Variants in SLC25A13 observed in about 807,000 individuals in gnomAD.
SLC25A13 encodes the protein solute carrier family 25 member 13.
In SLC25A13, 70 loss-of-function variants were observed where a neutral mutation model predicts 85.5. The ratio of observed to expected loss-of-function variants is 0.82; its 90% CI spans 0.68 to 1.00. The LOEUF (loss-of-function observed/expected upper bound fraction) is 1.00. Ranked by LOEUF, SLC25A13 falls within the 50% of genes least tolerant of loss-of-function variation. The probability of loss-of-function intolerance (pLI) is 0.00; values close to 1 mark genes in which losing one functional copy is unlikely to be tolerated. For missense variants in SLC25A13, 765 were observed against 819.8 expected (o/e 0.93, Z 0.82); for synonymous variants, 259 against 288.7 (o/e 0.90, Z 1.04).
intron 5 of SLC25A13, among the ~76,000 whole-genome samples, chr7:96,201,185 G>GA (rs1206580350): frequency 6.6e-6 from 1 of 152,130 alleles, no homozygotes; most frequent in Non-Finnish European, 1.5e-5. Context: ...TAGTGAAAAT[G>GA]AAAATACAAC....
intron 4 of SLC25A13, among the ~76,000 whole-genome samples, chr7:96,229,005 TC>T (rs1284427297): frequency 6.6e-6 from 1 of 152,110 alleles, no homozygotes; most frequent in Non-Finnish European, 1.5e-5. Context: ...CCCCGTGGGC[TC>T]CCATGCAGCC....
Position 96,121,985 on chromosome 7 carries a change from G to A in SLC25A13, c.1604C>T (p.Ala535Val), listed in dbSNP as rs1166815730. 1.9e-6 allele frequency: 3 copies of A among 1,614,022 alleles called. No homozygotes were observed. The Admixed American group carries it at 5.0e-5, about 27-fold the overall frequency. ...LAGAIAGMPA[A>V]SLVTPADVIK... ...AACATCAGCAGGGGTCACTAAAGAT[G>A]CTGCAGGCATACCTGCAGGAGAGAC... The change falls in exon 16 of 18, where the codon GCA becomes GTA. Residue 535 changes from alanine (A) to valine (V), a missense_variant. Ala to Val is a moderately conservative substitution (Grantham distance 64). Coordinates refer to ENST00000265631, the MANE Select transcript of SLC25A13 (RefSeq NM_014251.3).
rs1554348063 is a variant in SLC25A13 at position 96,184,400 on chromosome 7, C to G, written c.1054G>C (p.Val352Leu). Residue 352 changes from valine (V) to leucine (L), a missense_variant, in exon 11 of 18, where the codon GTA becomes CTA. Coordinates refer to ENST00000265631, the MANE Select transcript of SLC25A13 (RefSeq NM_014251.3). Reference protein sequence around the residue: ...GATAVYPIDLVKTRMQNQRST... With the variant: ...GATAVYPIDLLKTRMQNQRST... ...CGTTGGTTCTGCATTCGAGTTTTTA[C>G]AAGATCGATAGGATACACAGCAGTG... is the stretch of plus-strand genomic sequence containing the variant. 1 of 1,614,122 alleles carries G rather than the reference C, an allele frequency of 6.2e-7. No homozygotes were observed. The highest frequency in any genetic ancestry group is 2.2e-5 in the East Asian group (1 of 44,870).
At position 96,311,325 on chromosome 7, in the gene SLC25A13, T is replaced by G. The variant is rs114003119; in HGVS notation, c.15+10617A>C. ...ACCCAGTACCAAGTACCCAGCAATGTGATGGGAAGCTCTAAGCACCATCTA... is the reference window on the plus strand; with the variant it reads ...ACCCAGTACCAAGTACCCAGCAATGGGATGGGAAGCTCTAAGCACCATCTA... On this transcript the variant is annotated intron_variant, in intron 1 of 17. Transcript: ENST00000265631. Among the ~76,000 whole-genome samples the G allele has an allele frequency of 5.7e-3, 867 of 152,310 alleles. 9 individuals carry two copies. Among genetic ancestry groups the G allele is most frequent in the African/African-American group, 0.02 (811 of 41,568 alleles).
rs1026254654 is a variant in SLC25A13 at position 96,320,522 on chromosome 7, C to CA, written c.15+1419dup. ...ACCTTGGTTGCATGCAAATTTAATG[C>CA]AAAAAAAAGGTCAAGGGCTATTGGG... On this transcript the variant is annotated intron_variant, in intron 1 of 17. Transcript: ENST00000265631. Among the ~76,000 whole-genome samples, 8 of 151,304 alleles carry CA rather than the reference C, an allele frequency of 5.3e-5. No individual in the cohort carries two copies. In the East Asian group the frequency reaches 5.8e-4, roughly 11 times the overall value.
At chr7:96,131,479 T>C (rs769653194) in intron 15 of SLC25A13, among the ~76,000 whole-genome samples, 11 of 152,226 alleles carry the variant, frequency 7.2e-5, no homozygotes, top group Non-Finnish European at 1.0e-4. Flanking sequence ...GGAACTTGAA[T>C]TGGAGTTCCA....
At chr7:96,213,418 G>GA (rs1270907736) in intron 4 of SLC25A13, among the ~76,000 whole-genome samples, 2 of 152,136 alleles carry the variant, frequency 1.3e-5, no homozygotes, top group Non-Finnish European at 2.9e-5. Flanking sequence ...TTTTATAGCT[G>GA]AAAAATCAGA....
intron 1 of SLC25A13, among the ~76,000 whole-genome samples, chr7:96,304,268 T>G (rs1376866531): frequency 2.6e-5 from 4 of 152,154 alleles, no homozygotes; most frequent in African/African-American, 9.7e-5. Context: ...TGGCAAAACT[T>G]CATTTCACTC....
At chr7:96,294,194 A>G (rs1281717412) in intron 2 of SLC25A13, among the ~76,000 whole-genome samples, 1 of 148,102 alleles carries the variant, frequency 6.8e-6, no homozygotes, top group African/African-American at 2.5e-5. Context: ...AAAAACAAAC[A>G]CCACATGTTC....
intron 3 of SLC25A13, among the ~76,000 whole-genome samples, chr7:96,260,020 C>G (rs1797786988): frequency 7.8e-6 from 1 of 128,668 alleles, no homozygotes; most frequent in Non-Finnish European, 1.5e-5. Context: ...CATATGCGCA[C>G]AAGGAGGGAA....
At chr7:96,141,752 T>C (rs1211306012) in intron 14 of SLC25A13, among the ~76,000 whole-genome samples, 1 of 152,152 alleles carries the variant, frequency 6.6e-6, no homozygotes, top group Non-Finnish European at 1.5e-5. Flanking sequence ...TTTTAAAAGA[T>C]GATAAACTGA....
At chr7:96,122,877 T>C (rs1791571902) in intron 15 of SLC25A13, among the ~76,000 whole-genome samples, 2 of 152,242 alleles carry the variant, frequency 1.3e-5, no homozygotes. Context: ...TTTTCCATTA[T>C]GAACTTATTC....
intron 4 of SLC25A13, among the ~76,000 whole-genome samples, chr7:96,230,245 A>G (rs1458845262): frequency 2.0e-5 from 3 of 152,248 alleles, no homozygotes; most frequent in Admixed American, 1.3e-4. Flanking sequence ...CATTCTATAT[A>G]GTTCCAATTA....
chr7:96,191,216 C>A lies in SLC25A13; in HGVS notation c.647G>T (p.Ser216Ile). The change falls in exon 7 of 18, where the codon AGT becomes ATT. Residue 216 changes from serine (S) to isoleucine (I), a missense_variant. By Grantham distance (142) the Ser-to-Ile change is moderately radical. Coordinates refer to ENST00000265631, the MANE Select transcript of SLC25A13 (RefSeq NM_014251.3). ...AAGGTTSHQV[S>I]FSYFNGFNSL... ...ATTAAATCCATTAAAATAGGAGAAACTAACTTGATGGGATGTGGTACCTCC... is the reference window on the plus strand; with the variant it reads ...ATTAAATCCATTAAAATAGGAGAAAATAACTTGATGGGATGTGGTACCTCC... 1 of 1,613,968 alleles carries A rather than the reference C, an allele frequency of 6.2e-7. No individual in the cohort carries two copies. The highest frequency in any genetic ancestry group is 8.5e-7 in the Non-Finnish European group (1 of 1,179,990).
intron 2 of SLC25A13, among the ~76,000 whole-genome samples, chr7:96,286,000 G>A (rs756236659): frequency 4.6e-5 from 7 of 152,052 alleles, no homozygotes; most frequent in Admixed American, 2.0e-4. Context: ...AACATCTGTC[G>A]TTGGCCAGGC....
At position 96,194,461 on chromosome 7, in the gene SLC25A13, AAAAAAAGG is replaced by A. The variant is rs1328094198; in HGVS notation, c.469-1286_469-1279del. Among the ~76,000 whole-genome samples, 1,425 of 148,528 alleles carry A rather than the reference AAAAAAAGG, an allele frequency of 9.6e-3. 24 individuals are homozygous for A. The highest frequency in any genetic ancestry group is 0.034 in the African/African-American group (1,369 of 40,228). On this transcript the variant is annotated intron_variant, in intron 5 of 17. Coordinates refer to ENST00000265631, the MANE Select transcript of SLC25A13 (RefSeq NM_014251.3). Reference sequence around the variant, plus strand: ...TTGTCTCAAAAAAAAAAAAAAAAAAAAAAAAAGGAACACCAACAGGGCTCTCAAAAACT... The same window carrying A: ...TTGTCTCAAAAAAAAAAAAAAAAAAAAACACCAACAGGGCTCTCAAAAACT...
intron 4 of SLC25A13, among the ~76,000 whole-genome samples, chr7:96,211,783 A>G (rs931794759): frequency 3.3e-5 from 5 of 152,128 alleles, no homozygotes; most frequent in Admixed American, 2.0e-4. Context: ...TTCAACAGTC[A>G]TTTCTCACCA....
At chr7:96,205,919 GATA>G (rs1795442819) in intron 5 of SLC25A13, among the ~76,000 whole-genome samples, 1 of 149,828 alleles carries the variant, frequency 6.7e-6, no homozygotes, top group African/African-American at 2.5e-5. Context: ...CACTTGCTTA[GATA>G]TAGTAAAACA....
At chr7:96,122,804 A>G (rs1427933742) in intron 15 of SLC25A13, among the ~76,000 whole-genome samples, 1 of 152,194 alleles carries the variant, frequency 6.6e-6, no homozygotes, top group Non-Finnish European at 1.5e-5. Context: ...AGGGCAGTGC[A>G]TGTTTAGATT....
Sources: gnomAD v4.1 joint callset for allele counts (sites outside exome capture counted in the v4.1 genomes callset) on GRCh38, gnomAD v4.1.1 for gene constraint, MANE v1.5 for transcripts, NCBI Gene and HGNC (gene_info 2026-07-23, HGNC 2026-07-21) for gene names.